LPIN3: variants seen among roughly 807,000 people sequenced by gnomAD.
LPIN3 encodes the protein phosphatidate phosphatase LPIN3.
LPIN3 carries 82 observed loss-of-function variants against 94.7 expected under a neutral mutation model. The ratio of observed to expected loss-of-function variants is 0.87; its 90% CI spans 0.72 to 1.04. The LOEUF is 1.04. LPIN3 is among the 50% of genes least tolerant of loss of function. The probability of loss-of-function intolerance (pLI) is 0.00; values close to 1 mark genes in which losing one functional copy is unlikely to be tolerated. For missense variants in LPIN3, 996 were observed against 1,090.5 expected (o/e 0.91, Z 1.22); for synonymous variants, 418 against 443.3 (o/e 0.94, Z 0.72).
In LPIN3 at chr20:41,345,941, AC is replaced by A. The variant is rs1568990579; in HGVS notation, c.141del (p.Phe48SerfsTer18). On this transcript the variant is annotated frameshift_variant, in exon 2 of 20. Transcript: ENST00000373257. LOFTEE classifies it high-confidence loss of function. Reference protein sequence around the residue: ...KQVDGSFRCSPFHVRFGKLGV... With the variant: ...KQVDGSFRCSXFHVRFGKLGV... ...AGGTGGACGGCTCGTTCCGGTGCTC[AC>A]CCTTCCACGTGCGTTTTGGCAAGCT... 1 of 1,613,982 alleles carries A rather than the reference AC, an allele frequency of 6.2e-7. No homozygotes were observed. Among genetic ancestry groups the A allele is most frequent in the Middle Eastern group, 1.7e-4 (1 of 6,056 alleles).
intron 5 of LPIN3, 106 bp from the exon 6 acceptor site, chr20:41,349,668 C>A: frequency 1.5e-6 from 2 of 1,365,872 alleles, no homozygotes; most frequent in Non-Finnish European, 9.8e-7. Context: ...ATTATGGATT[C>A]AACACAGGCA....
intron 7 of LPIN3, among the ~76,000 whole-genome samples, chr20:41,350,763 T>C (rs948567928): frequency 3.3e-5 from 5 of 152,110 alleles, no homozygotes; most frequent in Non-Finnish European, 7.4e-5. Context: ...GAGAGAAGTT[T>C]CATGTCCAGA....
At position 41,356,034 on chromosome 20, in the gene LPIN3, C is replaced by T. The variant is rs148198959; in HGVS notation, c.1803C>T (p.Ile601=). The T allele has an allele frequency of 1.2e-4, 192 of 1,613,386 alleles. No homozygotes were observed. In the African/African-American group the frequency reaches 2.4e-3, roughly 20 times the overall value. ...CCCTCCGCCTCTCCTCCGATCAGAT[C>T]GTAAGTGTGGGTTGTCTGTGTGGAG... The part of the protein sequence containing the change: ...KKSLRLSSDQ[I]RRLNLQEGAN... Residue 601 remains isoleucine, a splice_region_variant and synonymous_variant, in exon 14 of 20, where the codon ATC becomes ATT. Transcript: ENST00000373257.
intron 1 of LPIN3, among the ~76,000 whole-genome samples, chr20:41,344,750 A>C (rs1400521811): frequency 1.3e-5 from 2 of 152,212 alleles, no homozygotes; most frequent in Non-Finnish European, 2.9e-5. Context: ...GGGAGGGAGC[A>C]GCTTCAGTGG....
intron 9 of LPIN3, 99 bp from the exon 10 acceptor site, chr20:41,352,507 G>C: frequency 9.0e-7 from 1 of 1,109,384 alleles, no homozygotes; most frequent in South Asian, 1.4e-5. Context: ...AAAGCCAACC[G>C]ACAGGAGGTG....
Position 41,357,877 on chromosome 20 carries a change from C to G in LPIN3, c.2040-5C>G. The G allele has an allele frequency of 6.2e-7, 1 of 1,614,070 alleles. No individual in the cohort carries two copies. The highest frequency in any genetic ancestry group is 8.5e-7 in the Non-Finnish European group (1 of 1,180,000). On this transcript the variant is annotated splice_region_variant and splice_polypyrimidine_tract_variant and intron_variant, in intron 16 of 19. Transcript: ENST00000373257. ...GCTCTATGCCACCCTGTCCCCCACTCTCAGAAATGGGTACAAGTTCCTGTA... is the reference window on the plus strand; with the variant it reads ...GCTCTATGCCACCCTGTCCCCCACTGTCAGAAATGGGTACAAGTTCCTGTA...
rs1234500526 is a variant in LPIN3 at position 41,355,904 on chromosome 20, C to A, written c.1673C>A (p.Thr558Lys). ...TAAKEQQGEK[T>K]EVLSSDDDAP... is the part of the protein sequence containing the mutation. The stretch of plus-strand genomic sequence containing the variant: ...GCCAGTGTGGTCCACAGGGAGAAGA[C>A]AGAAGTCCTGAGCAGTGATGACGAT... The change falls in exon 14 of 20, where the codon ACA becomes AAA. Residue 558 changes from threonine to lysine, a missense_variant. By Grantham distance (78) the Thr-to-Lys change is moderately conservative. Transcript: ENST00000373257. 3.7e-6 allele frequency: 6 copies of A among 1,613,934 alleles called. No homozygotes were observed. Among genetic ancestry groups the A allele is most frequent in the Non-Finnish European group, 5.1e-6 (6 of 1,179,962 alleles).
chr20:41,350,503 C>G, intron 7 of LPIN3, 106 bp downstream of exon 7: 1 of 869,992 alleles, frequency 1.1e-6, no homozygotes, highest in Non-Finnish European at 1.7e-6. Flanking sequence ...GTGCTAGGTG[C>G]TGTTCTTGGC....
At chr20:41,347,809 G>A (rs1164804271) in intron 3 of LPIN3, among the ~76,000 whole-genome samples, 162 bp downstream of exon 3, 1 of 152,204 alleles carries the variant, frequency 6.6e-6, no homozygotes, top group Non-Finnish European at 1.5e-5. Flanking sequence ...TCTGGCACAC[G>A]TGATATGCTG....
chr20:41,356,694 G>T (rs373061372), intron 14 of LPIN3, among the ~76,000 whole-genome samples: 4 of 152,200 alleles, frequency 2.6e-5, no homozygotes, highest in African/African-American at 9.6e-5. Context: ...CATCTATGGA[G>T]GGGGGTGTTT....
chr20:41,359,130 T>A lies in LPIN3; in HGVS notation c.*264T>A. The A allele has an allele frequency of 3.7e-6, 1 of 270,316 alleles. No individual in the cohort carries two copies. The highest frequency in any genetic ancestry group is 6.8e-5 in the East Asian group (1 of 14,806). The allele number at this position is 270,316 out of a possible 1,614,324, so 16.7% of individuals were successfully genotyped here. A position where few individuals can be genotyped will look rare whatever the true frequency, so the allele number is the denominator to read the frequency against. On this transcript the variant is annotated 3_prime_UTR_variant, in exon 20 of 20. Transcript: ENST00000373257. ...CTGGGCCCTTGCAGGGTTCTTTTTT[T>A]TTTTTTTTTTTTTTTTTTCCTGAGA...
In LPIN3 at chr20:41,359,421, C is replaced by T. The variant is rs1352079588; in HGVS notation, c.*555C>T. On this transcript the variant is annotated 3_prime_UTR_variant, in exon 20 of 20. Coordinates refer to ENST00000373257, the MANE Select transcript of LPIN3 (RefSeq NM_022896.3). Reference sequence around the variant, plus strand: ...AAAGTGCTGGGATTACAGGCATGAGCTACCATGCCAGGCCTCCTTGCAGGG... The same window carrying T: ...AAAGTGCTGGGATTACAGGCATGAGTTACCATGCCAGGCCTCCTTGCAGGG... The T allele has an allele frequency of 6.6e-6, 1 of 152,206 alleles. No individual in the cohort carries two copies. The allele number at this position is 152,206 out of a possible 1,614,324, so 9.4% of individuals were successfully genotyped here. A position where few individuals can be genotyped will look rare whatever the true frequency, so the allele number is the denominator to read the frequency against.
Position 41,350,240 on chromosome 20 carries a change from T to C in LPIN3, c.945T>C (p.Thr315=), listed in dbSNP as rs1158741348. The change falls in exon 7 of 20, where the codon ACT becomes ACC. Residue 315 remains threonine, a synonymous_variant. Coordinates refer to ENST00000373257, the MANE Select transcript of LPIN3 (RefSeq NM_022896.3). ...TTCAGCCTGACACAGAGGATCCCAC[T>C]CTAGTGGGTCCCCCTCTCCACACCC... ...ADLQPDTEDP[T]LVGPPLHTPE... is the part of the protein sequence containing the mutation. 1.9e-6 allele frequency: 3 copies of C among 1,613,662 alleles called. No individual in the cohort carries two copies. The highest frequency in any genetic ancestry group is 1.7e-5 in the Admixed American group (1 of 60,008).
chr20:41,350,831 T>C (rs893544143), intron 7 of LPIN3, among the ~76,000 whole-genome samples: 5 of 151,842 alleles, frequency 3.3e-5, no homozygotes, highest in African/African-American at 7.3e-5. Flanking sequence ...GGATAGGAAG[T>C]TGGGGAGATG....
intron 14 of LPIN3, among the ~76,000 whole-genome samples, chr20:41,356,563 G>C (rs1333798237): frequency 1.3e-5 from 2 of 152,206 alleles, no homozygotes; most frequent in Non-Finnish European, 2.9e-5. Flanking sequence ...GCTTTGGTGG[G>C]AAGCGGCCCT....
chr20:41,350,126 G>T lies in LPIN3; in HGVS notation c.831G>T (p.Arg277=), dbSNP rs140402475. The change falls in exon 7 of 20, where the codon CGG becomes CGT. Residue 277 remains arginine, a synonymous_variant. Transcript: ENST00000373257. The stretch of plus-strand genomic sequence containing the variant: ...GAGCTGGGGCAACCTCTCCTCCTCG[G>T]GGAGGACCCAGCACTCCCTCTACCT... The part of the protein sequence containing the change: ...EGRAGATSPP[R]GGPSTPSTSV... 2,016 of 1,612,440 alleles carry T rather than the reference G, an allele frequency of 1.3e-3. 16 individuals are homozygous for T. In the African/African-American group the frequency reaches 0.016, roughly 13 times the overall value.
intron 13 of LPIN3, among the ~76,000 whole-genome samples, chr20:41,355,608 C>T (rs985060127): frequency 2.0e-5 from 3 of 152,136 alleles, no homozygotes; most frequent in Non-Finnish European, 4.4e-5. Flanking sequence ...GGGAATAAGC[C>T]CAGAGATACA....
chr20:41,341,528 C>T (rs892077357), intron 1 of LPIN3, among the ~76,000 whole-genome samples: 25 of 152,196 alleles, frequency 1.6e-4, no homozygotes, highest in African/African-American at 6.0e-4. Flanking sequence ...GAGCCTAGTC[C>T]TAGGGCAGCT....
chr20:41,347,500 C>A, intron 2 of LPIN3, 52 bp from the exon 3 acceptor site: 2 of 1,569,660 alleles, frequency 1.3e-6, no homozygotes, highest in Admixed American at 1.7e-5. Context: ...GGCCTGTGGT[C>A]GGAAGCATGG....
Sources: gnomAD v4.1 joint callset for allele counts (sites outside exome capture counted in the v4.1 genomes callset) on GRCh38, gnomAD v4.1.1 for gene constraint, MANE v1.5 for transcripts, NCBI Gene and HGNC (gene_info 2026-07-23, HGNC 2026-07-21) for gene names.